Variants in SPTLC2 observed in about 807,000 individuals in gnomAD.
SPTLC2 encodes serine palmitoyltransferase 2.
In SPTLC2, 21 loss-of-function variants were observed where a neutral mutation model predicts 62.0. The observed-to-expected ratio is 0.34, with a 90% CI of 0.24 to 0.49. The LOEUF (loss-of-function observed/expected upper bound fraction) is 0.49. SPTLC2 is among the 20% of genes least tolerant of loss of function. The probability of loss-of-function intolerance (pLI) is 0.99; values close to 1 mark genes in which losing one functional copy is unlikely to be tolerated. For missense variants in SPTLC2, 511 were observed against 713.0 expected (o/e 0.72, Z 3.23); for synonymous variants, 261 against 261.8 (o/e 1.00, Z 0.03).
At chr14:77,560,870 G>A (rs964210850) in intron 6 of SPTLC2, among the ~76,000 whole-genome samples, 2 of 142,720 alleles carry the variant, frequency 1.4e-5, no homozygotes, top group Admixed American at 7.2e-5. Context: ...GAGTGAGGCA[G>A]GGGAGGTTGA....
chr14:77,572,714 G>C (rs534113624), intron 4 of SPTLC2, among the ~76,000 whole-genome samples: 2 of 152,170 alleles, frequency 1.3e-5, no homozygotes, highest in Non-Finnish European at 2.9e-5. Flanking sequence ...AGATCTTCTG[G>C]ATAACTTGCT....
At chr14:77,561,010 G>C (rs2079612194) in intron 6 of SPTLC2, among the ~76,000 whole-genome samples, 1 of 98,478 alleles carries the variant, frequency 1.0e-5, no homozygotes, top group Non-Finnish European at 2.1e-5. Flanking sequence ...ATGTACCCCT[G>C]AACCTAAAAT....
chr14:77,511,766 C>T lies in SPTLC2; in HGVS notation c.*518G>A, dbSNP rs2079333360. 5.7e-6 allele frequency: 1 copy of T among 175,712 alleles called. No homozygotes were observed. The highest frequency in any genetic ancestry group is 1.2e-5 in the Non-Finnish European group (1 of 80,980). The allele number at this position is 175,712 out of a possible 1,614,324, so 10.9% of individuals were successfully genotyped here. ...TAAACTTAAGATTAAAGGGTGAAAA[C>T]TTCCGTTGATTACTTGAATGGTTAA... is the stretch of plus-strand genomic sequence containing the variant. On this transcript the variant is annotated 3_prime_UTR_variant, in exon 12 of 12. Transcript: ENST00000216484.
At chr14:77,608,594 T>G (rs1330065850) in intron 1 of SPTLC2, among the ~76,000 whole-genome samples, 1 of 152,112 alleles carries the variant, frequency 6.6e-6, no homozygotes, top group East Asian at 1.9e-4. Context: ...AGACAACAGA[T>G]AAGCAAATAG....
chr14:77,608,043 G>A (rs2140064661), intron 1 of SPTLC2, among the ~76,000 whole-genome samples: 1 of 152,302 alleles, frequency 6.6e-6, no homozygotes, highest in Middle Eastern at 3.4e-3. Flanking sequence ...CACAGCTGAA[G>A]CCCTTGGTAA....
intron 9 of SPTLC2, among the ~76,000 whole-genome samples, chr14:77,549,598 C>G (rs184425570): frequency 6.6e-6 from 1 of 152,280 alleles, no homozygotes; most frequent in East Asian, 1.9e-4. Context: ...TTGAGTCTTC[C>G]AGGCCAGCCC....
At position 77,616,435 on chromosome 14, in the gene SPTLC2, G is replaced by C. The variant is rs1449105049; in HGVS notation, c.132+13C>G. 2.1e-6 allele frequency: 3 copies of C among 1,427,734 alleles called. No homozygotes were observed. In the East Asian group the frequency reaches 9.2e-5, roughly 44 times the overall value. The allele number at this position is 1,427,734 out of a possible 1,614,324, so 88.4% of individuals were successfully genotyped here. A position where few individuals can be genotyped will look rare whatever the true frequency, so the allele number is the denominator to read the frequency against. ...CACCGCCACCCCGGCCCCGCCGCGCGGGCCCCTCGTACCTGGCCGGCGGCG... is the reference window on the plus strand; with the variant it reads ...CACCGCCACCCCGGCCCCGCCGCGCCGGCCCCTCGTACCTGGCCGGCGGCG... On this transcript the variant is annotated intron_variant, in intron 1 of 11. Transcript: ENST00000216484.
Position 77,552,137 on chromosome 14 carries a change from G to A in SPTLC2, c.1262C>T (p.Thr421Ile), listed in dbSNP as rs2140017667. The change falls in exon 9 of 12, where the codon ACC becomes ATC. Residue 421 changes from threonine to isoleucine, a missense_variant. Thr to Ile is a moderately conservative substitution (Grantham distance 89). Transcript: ENST00000216484. ...CTGCCCCATGATGCACTTCATGGAG[G>A]TGATGATCTGCTCCACTACAGGAGG... ...LSPPVVEQIITSMKCIMGQDG... is the reference protein window; with the variant it reads ...LSPPVVEQIIISMKCIMGQDG... 1 of 1,614,174 alleles carries A rather than the reference G, an allele frequency of 6.2e-7. No individual in the cohort carries two copies.
intron 1 of SPTLC2, among the ~76,000 whole-genome samples, chr14:77,611,216 T>C (rs1459008963): frequency 1.3e-5 from 2 of 149,968 alleles, no homozygotes; most frequent in African/African-American, 2.5e-5. Flanking sequence ...GGCAGGAGAA[T>C]GGTGTGAACC....
intron 4 of SPTLC2, among the ~76,000 whole-genome samples, chr14:77,575,601 A>G (rs1187164764): frequency 6.6e-6 from 1 of 152,188 alleles, no homozygotes; most frequent in Non-Finnish European, 1.5e-5. Context: ...GCACGATCAT[A>G]GCTCACTGCA....
In SPTLC2 at chr14:77,600,964, A is replaced by G. The variant is rs140731875; in HGVS notation, c.133-3584T>C. Among the ~76,000 whole-genome samples the G allele has an allele frequency of 1.9e-4, 29 of 151,974 alleles. 1 individual carries two copies. The highest frequency in any genetic ancestry group is 1.5e-3 in the East Asian group (8 of 5,184). ...ACTCCTAACCAAAGCAATAATGGGA[A>G]AGTATAATAAAAGATAAGCCATATG... On this transcript the variant is annotated intron_variant, in intron 1 of 11. Transcript: ENST00000216484.
chr14:77,588,935 T>C (rs1000871347), intron 2 of SPTLC2, among the ~76,000 whole-genome samples: 2 of 131,972 alleles, frequency 1.5e-5, no homozygotes, highest in African/African-American at 5.9e-5. Context: ...AGGTCGAGGC[T>C]GCAGTGAGCT....
At chr14:77,602,270 G>T (rs990335226) in intron 1 of SPTLC2, among the ~76,000 whole-genome samples, 6 of 152,058 alleles carry the variant, frequency 3.9e-5, no homozygotes, top group African/African-American at 1.4e-4. Context: ...GCTCCACTTA[G>T]ACTTCATGGG....
Position 77,555,414 on chromosome 14 carries a change from G to T in SPTLC2, c.1062C>A (p.Pro354=), listed in dbSNP as rs764116609. ...DEAHSIGALG[P]TGRGVVEYFG... is the part of the protein sequence containing the mutation. ...AGTACTCCACCACACCCCGGCCTGTGGGGCCCAGGGCGCCAATGCTGTGAG... is the reference window on the plus strand; with the variant it reads ...AGTACTCCACCACACCCCGGCCTGTTGGGCCCAGGGCGCCAATGCTGTGAG... Residue 354 remains proline (P), a synonymous_variant, in exon 8 of 12, where the codon CCC becomes CCA. Transcript: ENST00000216484. 5.5e-5 allele frequency: 88 copies of T among 1,614,022 alleles called. No homozygotes were observed. The highest frequency in any genetic ancestry group is 6.4e-5 in the Non-Finnish European group (75 of 1,180,032).
In SPTLC2 at chr14:77,521,466, G is replaced by C. The variant is rs372810567; in HGVS notation, c.1419C>G (p.Leu473=). The change falls in exon 10 of 12, where the codon CTC becomes CTG. Residue 473 remains leucine, a synonymous_variant. Transcript: ENST00000216484. The part of the protein sequence containing the change: ...NEDSPVVPLM[L]YMPAKIGAFG... ...CGTACCCAATTTTGGCAGGCATGTA[G>C]AGCATCAAAGGCACTACTGGAGAGT... 8 of 1,614,162 alleles carry C rather than the reference G, an allele frequency of 5.0e-6. No individual in the cohort carries two copies. The African/African-American group carries it at 8.0e-5, about 16-fold the overall frequency.
chr14:77,569,723 T>C (rs2079666488), intron 5 of SPTLC2, among the ~76,000 whole-genome samples: 1 of 147,484 alleles, frequency 6.8e-6, no homozygotes, highest in South Asian at 2.1e-4. Context: ...TACATACAGA[T>C]TGTGCCCTCT....
At chr14:77,530,719 C>A (rs545815934) in intron 9 of SPTLC2, among the ~76,000 whole-genome samples, 16 of 152,252 alleles carry the variant, frequency 1.1e-4, no homozygotes, top group African/African-American at 3.9e-4. Flanking sequence ...AACTGATGCC[C>A]AGTGAGGTTA....
At chr14:77,539,918 C>T (rs920387955) in intron 9 of SPTLC2, among the ~76,000 whole-genome samples, 3 of 152,010 alleles carry the variant, frequency 2.0e-5, no homozygotes, top group Non-Finnish European at 4.4e-5. Context: ...ACAATTAAGC[C>T]AGGCAAGGTG....
chr14:77,544,663 T>A (rs1478557463), intron 9 of SPTLC2, among the ~76,000 whole-genome samples: 1 of 152,166 alleles, frequency 6.6e-6, no homozygotes, highest in South Asian at 2.1e-4. Context: ...GTTAATGAGG[T>A]CATTCTGAAC....
Sources: gnomAD v4.1 joint callset for allele counts (sites outside exome capture counted in the v4.1 genomes callset) on GRCh38, gnomAD v4.1.1 for gene constraint, MANE v1.5 for transcripts, NCBI Gene and HGNC (gene_info 2026-07-23, HGNC 2026-07-21) for gene names.